The following CSNK1G3 variants were observed in gnomAD, a reference collection of about 807,000 sequenced individuals.
CSNK1G3 encodes casein kinase 1 gamma 3.
A neutral mutation model predicts 64.3 loss-of-function variants in CSNK1G3; 23 were observed. The observed-to-expected ratio is 0.36, with a 90% CI of 0.26 to 0.51. The LOEUF is 0.51. CSNK1G3 is among the 20% of genes least tolerant of loss of function. The pLI, the probability that CSNK1G3 is intolerant of heterozygous loss-of-function variation, is 0.96. For missense variants in CSNK1G3, 357 were observed against 510.5 expected, an observed-to-expected ratio of 0.70 and a Z score of 2.90; for synonymous variants, 158 against 162.2, an observed-to-expected ratio of 0.97 and a Z score of 0.20.
intron 12 of CSNK1G3, among the ~76,000 whole-genome samples, chr5:123,608,018 C>A (rs556263903): frequency 9.2e-5 from 14 of 152,150 alleles, no homozygotes; most frequent in African/African-American, 3.4e-4. Context: ...TGGCCCTGAA[C>A]TATTGGGCTC....
intron 1 of CSNK1G3, among the ~76,000 whole-genome samples, chr5:123,529,351 A>G (rs1243380469): frequency 4.6e-5 from 7 of 152,230 alleles, no homozygotes; most frequent in Non-Finnish European, 2.9e-5. Context: ...ACTTTATAAA[A>G]CATAACTGCT....
chr5:123,524,759 T>C (rs531567098), intron 1 of CSNK1G3, among the ~76,000 whole-genome samples: 1 of 152,356 alleles, frequency 6.6e-6, no homozygotes, highest in African/African-American at 2.4e-5. Context: ...TTTAGTATTA[T>C]AGTTTTCTGA....
At chr5:123,548,811 G>C (rs1339133730) in intron 2 of CSNK1G3, among the ~76,000 whole-genome samples, 2 of 152,072 alleles carry the variant, frequency 1.3e-5, no homozygotes, top group Non-Finnish European at 2.9e-5. Flanking sequence ...TTTACATCCT[G>C]ATAAGCCCAT....
chr5:123,613,081 A>G (rs1164596434), intron 12 of CSNK1G3, among the ~76,000 whole-genome samples: 1 of 152,114 alleles, frequency 6.6e-6, no homozygotes, highest in Non-Finnish European at 1.5e-5. Context: ...GTCATGTTGT[A>G]TATTTTAATA....
intron 11 of CSNK1G3, 81 bp from the exon 13 acceptor site, chr5:123,605,258 T>C: frequency 7.9e-7 from 1 of 1,266,152 alleles, no homozygotes; most frequent in South Asian, 1.4e-5. Flanking sequence ...AAAAACAATG[T>C]GATAATTTCA....
chr5:123,530,049 T>C (rs1779679806), intron 1 of CSNK1G3, among the ~76,000 whole-genome samples: 1 of 151,140 alleles, frequency 6.6e-6, no homozygotes, highest in Non-Finnish European at 1.5e-5. Flanking sequence ...TTCGGGCCAC[T>C]GCACTCCAGC....
In CSNK1G3 at chr5:123,572,807, C is replaced by A. The variant is rs144486455; in HGVS notation, c.290-586C>A. Among the ~76,000 whole-genome samples the A allele has an allele frequency of 2.3e-4, 35 of 152,326 alleles. 2 individuals carry two copies. In the East Asian group the frequency reaches 6.8e-3, roughly 29 times the overall value. ...AAAGTCTCACCTGAATAGGTCAGGTCCACCAGGATTCTCTTCCTTCTGATC... is the reference window on the plus strand; with the variant it reads ...AAAGTCTCACCTGAATAGGTCAGGTACACCAGGATTCTCTTCCTTCTGATC... On this transcript the variant is annotated intron_variant, in intron 4 of 12. Transcript: ENST00000345990.
chr5:123,550,396 A>AC (rs1783403371), intron 2 of CSNK1G3, among the ~76,000 whole-genome samples: 2 of 152,218 alleles, frequency 1.3e-5, no homozygotes, highest in Non-Finnish European at 2.9e-5. Context: ...GTGAGGAGGA[A>AC]CATACTTAAT....
chr5:123,545,905 A>G (rs1160621660), intron 2 of CSNK1G3, 64 bp downstream of exon 2: 4 of 1,284,654 alleles, frequency 3.1e-6, no homozygotes, highest in Non-Finnish European at 4.4e-6. Flanking sequence ...ATACTTTTTA[A>G]TGAAAATGAT....
At chr5:123,581,957 CTG>C (rs1414484334) in intron 6 of CSNK1G3, among the ~76,000 whole-genome samples, 3 of 151,782 alleles carry the variant, frequency 2.0e-5, no homozygotes, top group African/African-American at 7.3e-5. Context: ...CTTCTCATGT[CTG>C]TGCTTTGCTT....
intron 1 of CSNK1G3, among the ~76,000 whole-genome samples, chr5:123,525,360 G>A (rs2150026250): frequency 6.7e-6 from 1 of 148,322 alleles, no homozygotes; most frequent in South Asian, 2.2e-4. Flanking sequence ...CGCCCAGGTT[G>A]GAGTGCAGTG....
chr5:123,604,613 G>A (rs554775989), intron 10 of CSNK1G3, 111 bp from the exon 12 acceptor site: 78 of 537,354 alleles, frequency 1.5e-4, no homozygotes, highest in African/African-American at 1.1e-3. Flanking sequence ...CTTTCTAATT[G>A]AAATACTTTA....
intron 2 of CSNK1G3, among the ~76,000 whole-genome samples, chr5:123,551,672 G>C (rs1783677800): frequency 6.6e-6 from 1 of 152,086 alleles, no homozygotes; most frequent in Admixed American, 6.5e-5. Flanking sequence ...CTGTTCATCA[G>C]CTGCTGTATG....
intron 5 of CSNK1G3, 45 bp downstream of exon 5, chr5:123,573,586 T>C (rs1160765335): frequency 1.3e-6 from 2 of 1,501,168 alleles, no homozygotes; most frequent in Non-Finnish European, 1.8e-6. Flanking sequence ...AATTACATGG[T>C]TGTTGGTCAC....
At position 123,594,950 on chromosome 5, in the gene CSNK1G3, C is replaced by T. The variant is rs574279093; in HGVS notation, c.1086+3536C>T. On this transcript the variant is annotated intron_variant, in intron 10 of 12. Coordinates refer to ENST00000345990, the Ensembl canonical transcript of CSNK1G3. ...AGGGTATTTTAAATTTCCTTTTATA[C>T]GTTTGTTTTATATATTATGAGGATA... 3.7e-4 allele frequency: 383 copies of T among 1,034,988 alleles called. 1 individual carries two copies. The African/African-American group carries it at 5.7e-3, about 15-fold the overall frequency. The allele number at this position is 1,034,988 out of a possible 1,614,324, so 64.1% of individuals were successfully genotyped here.
intron 10 of CSNK1G3, among the ~76,000 whole-genome samples, chr5:123,601,921 G>A (rs1399489132): frequency 6.6e-6 from 1 of 152,102 alleles, no homozygotes; most frequent in African/African-American, 2.4e-5. Flanking sequence ...TGTGAGATAA[G>A]AATACTACTT....
chr5:123,531,104 G>A (rs1210465053), intron 1 of CSNK1G3, among the ~76,000 whole-genome samples: 1 of 152,066 alleles, frequency 6.6e-6, no homozygotes, highest in Admixed American at 6.6e-5. Context: ...AAATTTGGAG[G>A]TTTTCATTTG....
At chr5:123,534,323 C>A (rs958878818) in intron 1 of CSNK1G3, among the ~76,000 whole-genome samples, 9 of 152,006 alleles carry the variant, frequency 5.9e-5, no homozygotes, top group Non-Finnish European at 1.2e-4. Context: ...TCTAGGACTA[C>A]TTTTGTTTAA....
exon 6 of CSNK1G3, chr5:123,575,821 C>T (rs770056965): frequency 6.2e-7 from 1 of 1,613,464 alleles, no homozygotes; most frequent in Non-Finnish European, 8.5e-7. Context: ...GAAACAAAAC[C>T]CAGCAAGTTA....
Sources: allele counts gnomAD v4.1 joint callset (sites outside exome capture counted in the v4.1 genomes callset), GRCh38; gene constraint gnomAD v4.1.1; transcripts MANE v1.5; gene names NCBI Gene and HGNC (gene_info 2026-07-23, HGNC 2026-07-21).